The following ACOT11 variants were observed in gnomAD, a reference collection of about 807,000 sequenced individuals.
ACOT11 encodes acyl-coenzyme A thioesterase 11.
A neutral mutation model predicts 77.5 loss-of-function variants in ACOT11; 69 were observed. That is an observed-to-expected ratio of 0.89 (90% CI 0.73 to 1.09). The LOEUF is 1.09. Ranked by LOEUF, ACOT11 falls within the 50% of genes least tolerant of loss-of-function variation. ACOT11 has a pLI of 0.00. For synonymous variants in ACOT11, 279 were observed against 313.0 expected (o/e 0.89, Z 1.15); for missense variants, 766 against 813.7 (o/e 0.94, Z 0.71).
intron 3 of ACOT11, among the ~76,000 whole-genome samples, chr1:54,591,239 C>T (rs1425533309): frequency 2.0e-5 from 3 of 152,172 alleles, no homozygotes; most frequent in Admixed American, 6.5e-5. Context: ...TATTGAGCTC[C>T]GGCTGTGGGC....
At chr1:54,596,870 T>G (rs1643891280) in intron 6 of ACOT11, among the ~76,000 whole-genome samples, 1 of 152,244 alleles carries the variant, frequency 6.6e-6, no homozygotes, top group South Asian at 2.1e-4. Context: ...CCATTATGTC[T>G]GGCCTTGAGT....
rs1643937124 is a variant in ACOT11 at position 54,599,399 on chromosome 1, A to G, written c.868A>G (p.Asn290Asp). 1.2e-6 allele frequency: 2 copies of G among 1,604,282 alleles called. No individual in the cohort carries two copies. The highest frequency in any genetic ancestry group is 1.7e-6 in the Non-Finnish European group (2 of 1,175,054). ...DRLVLKAIVN[N>D]AFKHSMEVGV... ...TCTGGTGCTCAAAGCCATCGTGAAC[A>G]ATGCCTTCAAACATAGGTGAGGGTC... is the stretch of plus-strand genomic sequence containing the variant. Residue 290 changes from asparagine to aspartate, a missense_variant, in exon 8 of 16, where the codon AAT becomes GAT. Coordinates refer to ENST00000343744, the MANE Select transcript of ACOT11 (RefSeq NM_147161.4).
At chr1:54,570,666 G>A (rs1325746557) in intron 1 of ACOT11, among the ~76,000 whole-genome samples, 12 of 136,512 alleles carry the variant, frequency 8.8e-5, no homozygotes, top group Non-Finnish European at 1.4e-4. Context: ...ACAGGCATGA[G>A]CCACCGTGCC....
chr1:54,620,845 CAAAAAAAAAAAA>C (rs767625864), intron 15 of ACOT11, among the ~76,000 whole-genome samples: 152 of 12,126 alleles, frequency 0.013, no homozygotes, highest in South Asian at 0.03. Context: ...GAGACTCTGT[CAAAAAAAAAAAA>C]AAAAAAAAAA....
rs1654281905 is a variant in ACOT11, at chr1:54,580,894, CCT to C, written c.34-3760_34-3759del. ...AAACGGATTCTAGGTGGAAGTGGCA[CCT>C]TCATGTTGGGGGAAGACAGCGGGAG... On this transcript the variant is annotated intron_variant, in intron 1 of 15. Coordinates refer to ENST00000343744, the MANE Select transcript of ACOT11 (RefSeq NM_147161.4). Among the ~76,000 whole-genome samples, 5 of 152,304 alleles carry C rather than the reference CCT, an allele frequency of 3.3e-5. No homozygotes were observed. The South Asian group carries it at 1.0e-3, about 32-fold the overall frequency.
chr1:54,575,365 A>G (rs681057), intron 1 of ACOT11, among the ~76,000 whole-genome samples: 9,212 of 152,216 alleles, frequency 0.061, 897 homozygotes, highest in African/African-American at 0.21. Flanking sequence ...AAGATGACCC[A>G]CAGAGGGTAG....
intron 1 of ACOT11, among the ~76,000 whole-genome samples, chr1:54,567,413 G>A (rs1396719465): frequency 3.3e-5 from 5 of 151,632 alleles, no homozygotes; most frequent in African/African-American, 1.2e-4. Context: ...GGAGTAGCTG[G>A]GATTATAGGC....
chr1:54,593,458 GTT>G (rs35252763), intron 4 of ACOT11, among the ~76,000 whole-genome samples: 2,063 of 96,428 alleles, frequency 0.021, 27 homozygotes, highest in African/African-American at 0.08. Context: ...TGTGTGTGTG[GTT>G]TTTTTTTTTT....
At position 54,620,109 on chromosome 1, in the gene ACOT11, T is replaced by C. The variant is rs1292258694; in HGVS notation, c.1630-10625T>C. The C allele has an allele frequency of 5.6e-6, 7 of 1,255,684 alleles. No individual in the cohort carries two copies. The South Asian group carries it at 7.2e-5, about 13-fold the overall frequency. 77.8% of individuals were successfully genotyped at this position (1,255,684 alleles called of 1,614,324 possible). A position where few individuals can be genotyped will look rare whatever the true frequency, so the allele number is the denominator to read the frequency against. The stretch of plus-strand genomic sequence containing the variant: ...CTCCCTGGGCTCCCACTGTGTCCAG[T>C]ACCCCATCTGGCAGAGGGACGGTGA... On this transcript the variant is annotated intron_variant, in intron 15 of 16. Coordinates refer to the ACOT11 transcript ENST00000371316.
Position 54,627,003 on chromosome 1 carries a change from C to T in ACOT11, c.1630-3731C>T, listed in dbSNP as rs762015990. On this transcript the variant is annotated intron_variant, in intron 15 of 16. Coordinates refer to the ACOT11 transcript ENST00000371316. ...CTCCAAGTAGCTGGGATTACAGGTG[C>T]GCACCACCACGCTCAGCTAATTTTT... Among the ~76,000 whole-genome samples, 35 of 134,008 alleles carry T rather than the reference C, an allele frequency of 2.6e-4. 9 individuals are homozygous for T. Among genetic ancestry groups the T allele is most frequent in the Non-Finnish European group, 5.1e-4 (30 of 59,292 alleles). The allele number at this position is 134,008 out of a possible 152,430, so 87.9% of individuals were successfully genotyped here.
intron 3 of ACOT11, 68 bp from the exon 4 acceptor site, chr1:54,592,478 G>A: frequency 6.8e-7 from 1 of 1,466,258 alleles, no homozygotes; most frequent in Non-Finnish European, 9.4e-7. Context: ...GGCTCTGCAA[G>A]TATCTGAGGC....
intron 1 of ACOT11, among the ~76,000 whole-genome samples, chr1:54,559,525 G>A (rs1177494032): frequency 6.6e-6 from 1 of 152,004 alleles, no homozygotes; most frequent in Non-Finnish European, 1.5e-5. Context: ...ATGCCAAATT[G>A]TTGTCAGGAA....
chr1:54,638,263 C>T (rs1259353199), exon 17 of ACOT11: 1 of 152,200 alleles, frequency 6.6e-6, no homozygotes, highest in African/African-American at 2.4e-5. Context: ...CTTTGATGTA[C>T]TAAAATAAAA....
chr1:54,601,370 A>G lies in ACOT11; in HGVS notation c.986A>G (p.Asp329Gly). Residue 329 changes from aspartate (D) to glycine (G), a missense_variant, in exon 9 of 16, where the codon GAT becomes GGT. Transcript: ENST00000343744. ...AFMTFVVLDA[D>G]DQPQLLPWIR... is the part of the protein sequence containing the mutation. ...ATGACCTTTGTGGTCCTGGACGCAG[A>G]TGACCAGCCCCAGTTGCTGCCCTGG... The G allele has an allele frequency of 1.2e-6, 2 of 1,613,622 alleles. No individual in the cohort carries two copies. Among genetic ancestry groups the G allele is most frequent in the Non-Finnish European group, 1.7e-6 (2 of 1,179,984 alleles).
chr1:54,591,075 G>A (rs1654696563), intron 3 of ACOT11, among the ~76,000 whole-genome samples: 1 of 152,048 alleles, frequency 6.6e-6, no homozygotes, highest in Non-Finnish European at 1.5e-5. Context: ...TCTGCTAAAC[G>A]ATTTGAAAGT....
chr1:54,597,528 A>G (rs1643903640), intron 7 of ACOT11, 113 bp downstream of exon 7: 3 of 1,318,838 alleles, frequency 2.3e-6, no homozygotes, highest in Non-Finnish European at 2.0e-6. Flanking sequence ...AGGCTTCAGA[A>G]GCTTGGCTGT....
downstream of ACOT11, chr1:54,610,452 G>A (rs761166080): frequency 7.4e-6 from 12 of 1,613,512 alleles, 1 homozygote; most frequent in Admixed American, 5.0e-5. Flanking sequence ...TGCCCTGGAC[G>A]TCAGGAACCA....
intron 3 of ACOT11, among the ~76,000 whole-genome samples, chr1:54,590,611 G>A (rs1017475339): frequency 7.2e-5 from 11 of 152,138 alleles, no homozygotes; most frequent in African/African-American, 2.7e-4. Context: ...GACCACAGAA[G>A]TTTTTTGCCG....
intron 4 of ACOT11, among the ~76,000 whole-genome samples, chr1:54,592,925 GA>G (rs997914913): frequency 6.6e-6 from 1 of 152,232 alleles, no homozygotes; most frequent in African/African-American, 2.4e-5. Context: ...GTTTTTGTGG[GA>G]ATGGAGGGAA....
Sources: gnomAD v4.1 joint callset for allele counts (sites outside exome capture counted in the v4.1 genomes callset) on GRCh38, gnomAD v4.1.1 for gene constraint, MANE v1.5 for transcripts, NCBI Gene and HGNC (gene_info 2026-07-23, HGNC 2026-07-21) for gene names.